The following FGF12 variants were observed in gnomAD, a reference collection of about 807,000 sequenced individuals.
FGF12 encodes fibroblast growth factor 12B.
Under a neutral mutation model 23.6 loss-of-function variants are expected in FGF12, and 14 were observed. The observed-to-expected ratio is 0.59, with a 90% CI of 0.39 to 0.93. FGF12 has a LOEUF of 0.93. Among genes scored for constraint, FGF12 ranks in the 40% least tolerant of loss-of-function variants. FGF12 has a pLI of 0.00. For missense variants in FGF12, 175 were observed against 217.8 expected (o/e 0.80, Z 1.24); for synonymous variants, 62 against 77.3 (o/e 0.80, Z 1.04).
At position 192,418,480 on chromosome 3, in the gene FGF12, C is replaced by T. The variant is rs114860566; in HGVS notation, c.14-57942G>A. 7.2e-3 allele frequency among the ~76,000 whole-genome samples: 1,098 copies of T among 152,162 alleles called. 16 individuals carry two copies. Among genetic ancestry groups the T allele is most frequent in the African/African-American group, 0.024 (997 of 41,528 alleles). ...CACAGAAAAATATCAAAAAACTCTG[C>T]GTTCCAATTATAGGTTAAAAGTGTT... On this transcript the variant is annotated intron_variant, in intron 2 of 5. Transcript: ENST00000445105.
chr3:192,628,900 G>A (rs1715284530), intron 2 of FGF12, among the ~76,000 whole-genome samples: 1 of 151,824 alleles, frequency 6.6e-6, no homozygotes, highest in South Asian at 2.1e-4. Flanking sequence ...TAGGTATGGA[G>A]AATATTCTTA....
rs116191632 is a variant in FGF12, at chr3:192,534,072, C to T, written c.14-173534G>A. 1,002 of 196,376 alleles carry T rather than the reference C, an allele frequency of 5.1e-3. 11 individuals carry two copies. The highest frequency in any genetic ancestry group is 0.022 in the African/African-American group (957 of 42,852). 12.2% of individuals were successfully genotyped at this position (196,376 alleles called of 1,614,324 possible). ...AAGGGTGGCACATCTCACACATACA[C>T]GTGAACACCCAATCATCATGCTTAC... On this transcript the variant is annotated intron_variant, in intron 2 of 5. Transcript: ENST00000445105.
intron 4 of FGF12, among the ~76,000 whole-genome samples, chr3:192,216,851 A>T (rs914629603): frequency 6.6e-6 from 1 of 152,242 alleles, no homozygotes; most frequent in Non-Finnish European, 1.5e-5. Flanking sequence ...TCTGGTTTCC[A>T]ACTCTTATCA....
chr3:192,506,501 G>A (rs1031524300), intron 2 of FGF12, among the ~76,000 whole-genome samples: 2 of 152,158 alleles, frequency 1.3e-5, no homozygotes, highest in Non-Finnish European at 2.9e-5. Flanking sequence ...CTCCAGAGTA[G>A]CTGGGATTAT....
chr3:192,589,890 A>G (rs563195741), intron 2 of FGF12, among the ~76,000 whole-genome samples: 1 of 152,090 alleles, frequency 6.6e-6, no homozygotes, highest in African/African-American at 2.4e-5. Context: ...CAAGTAATAT[A>G]TTTTATGGAA....
chr3:192,392,591 C>CGAGAGA lies in FGF12; in HGVS notation c.14-32059_14-32054dup, dbSNP rs67784749. 5.5e-4 allele frequency among the ~76,000 whole-genome samples: 23 copies of CGAGAGA among 41,866 alleles called. 1 individual carries two copies. Among genetic ancestry groups the CGAGAGA allele is most frequent in the South Asian group, 5.0e-3 (3 of 606 alleles). The allele number at this position is 41,866 out of a possible 152,430, so 27.5% of individuals were successfully genotyped here. ...AGCCTGGGCAACAAAAGTGAAACTC[C>CGAGAGA]GAGAGAGAGAGAGAGAGAGAGAGAG... On this transcript the variant is annotated intron_variant, in intron 2 of 5. Coordinates refer to ENST00000445105, the MANE Select transcript of FGF12 (RefSeq NM_004113.6).
At chr3:192,694,967 T>C (rs1021312018) in intron 2 of FGF12, among the ~76,000 whole-genome samples, 9 of 151,956 alleles carry the variant, frequency 5.9e-5, no homozygotes, top group Non-Finnish European at 1.2e-4. Context: ...AGGACTACTG[T>C]GAATAATATT....
intron 5 of FGF12, among the ~76,000 whole-genome samples, chr3:192,158,413 T>TTCTTTCCTTTCTTTC (rs1560171650): frequency 0.012 from 82 of 7,020 alleles, no homozygotes; most frequent in African/African-American, 0.024. Flanking sequence ...TTTTCTTTCT[T>TTCTTTCCTTTCTTTC]TCTCTTTCTT....
intron 2 of FGF12, among the ~76,000 whole-genome samples, chr3:192,385,112 T>G (rs1719986184): frequency 6.6e-6 from 1 of 152,208 alleles, no homozygotes; most frequent in African/African-American, 2.4e-5. Flanking sequence ...TGAATGAATT[T>G]CAGTGTGTCT....
intron 2 of FGF12, among the ~76,000 whole-genome samples, chr3:192,420,909 A>G (rs569098141): frequency 4.9e-4 from 75 of 152,304 alleles, no homozygotes; most frequent in African/African-American, 1.8e-3. Context: ...GAAGAAAAAC[A>G]AGAATCACAA....
At chr3:192,635,234 AAGAT>A (rs1011962668) in intron 2 of FGF12, among the ~76,000 whole-genome samples, 13 of 152,212 alleles carry the variant, frequency 8.5e-5, no homozygotes, top group African/African-American at 3.1e-4. Context: ...ACAGTTTTAA[AAGAT>A]AGAGCTATAA....
intron 4 of FGF12, among the ~76,000 whole-genome samples, chr3:192,305,485 C>T (rs540539161): frequency 2.0e-5 from 3 of 152,034 alleles, no homozygotes; most frequent in South Asian, 4.2e-4. Context: ...TCAGTTTGCT[C>T]GAGTCCCCAG....
At chr3:192,189,565 G>C (rs1716668915) in intron 4 of FGF12, among the ~76,000 whole-genome samples, 1 of 152,144 alleles carries the variant, frequency 6.6e-6, no homozygotes. Flanking sequence ...GAAATGAGCT[G>C]TTAGAGTGGG....
At chr3:192,378,056 T>TTCTC (rs1377879851) in intron 2 of FGF12, among the ~76,000 whole-genome samples, 2 of 109,606 alleles carry the variant, frequency 1.8e-5, no homozygotes, top group Admixed American at 1.8e-4. Flanking sequence ...CTTTCTTTCT[T>TTCTC]TCTTTCTTTC....
chr3:192,169,333 T>G (rs1229439298), intron 5 of FGF12, among the ~76,000 whole-genome samples: 1 of 151,954 alleles, frequency 6.6e-6, no homozygotes, highest in East Asian at 1.9e-4. Context: ...AGAGCAAGAC[T>G]CCATCTCAAA....
intron 5 of FGF12, among the ~76,000 whole-genome samples, chr3:192,160,228 T>C (rs1437990789): frequency 1.3e-5 from 2 of 152,164 alleles, no homozygotes; most frequent in African/African-American, 2.4e-5. Context: ...AAATCTATAA[T>C]GAATCCCCAT....
chr3:192,526,290 G>A (rs926505327), intron 2 of FGF12, among the ~76,000 whole-genome samples: 1 of 152,116 alleles, frequency 6.6e-6, no homozygotes, highest in Non-Finnish European at 1.5e-5. Flanking sequence ...TCACACAATA[G>A]TCTCTGATTT....
chr3:192,352,753 T>C (rs1451614393), intron 3 of FGF12, among the ~76,000 whole-genome samples: 4 of 152,170 alleles, frequency 2.6e-5, no homozygotes, highest in African/African-American at 9.7e-5. Context: ...CTAAATATTA[T>C]TATTATTGTC....
intron 2 of FGF12, among the ~76,000 whole-genome samples, chr3:192,439,464 G>A (rs985445769): frequency 2.0e-5 from 3 of 152,060 alleles, no homozygotes; most frequent in Non-Finnish European, 4.4e-5. Context: ...AATCAGAATC[G>A]TCCCATTTTT....
Sources: gnomAD v4.1 joint callset for allele counts (sites outside exome capture counted in the v4.1 genomes callset) on GRCh38, gnomAD v4.1.1 for gene constraint, MANE v1.5 for transcripts, NCBI Gene and HGNC (gene_info 2026-07-23, HGNC 2026-07-21) for gene names.